NIPSNAP3B: variants seen among roughly 807,000 people sequenced by gnomAD.
NIPSNAP3B encodes the protein nipsnap homolog 3B.
In NIPSNAP3B, 30 loss-of-function variants were observed where a neutral mutation model predicts 31.5. The ratio of observed to expected loss-of-function variants is 0.95; its 90% CI spans 0.71 to 1.29. NIPSNAP3B has a LOEUF of 1.29. Among genes scored for constraint, NIPSNAP3B ranks in the 50% most tolerant of loss-of-function variants. The pLI is 0.00. For synonymous variants in NIPSNAP3B, 106 were observed against 107.9 expected, an observed-to-expected ratio of 0.98 and a Z score of 0.11; for missense variants, 269 against 300.7, an observed-to-expected ratio of 0.89 and a Z score of 0.78.
downstream of NIPSNAP3B, among the ~76,000 whole-genome samples, chr9:104,780,366 A>G (rs1411788344): frequency 6.6e-6 from 1 of 152,164 alleles, no homozygotes; most frequent in Non-Finnish European, 1.5e-5. Flanking sequence ...TACTTCCTCA[A>G]AAGGACTGTT....
At chr9:104,782,908 C>T in the NIPSNAP3B span, 1 of 150,356 alleles carries the variant, frequency 6.7e-6, no homozygotes, top group South Asian at 2.1e-4. Context: ...AACCACAAGA[C>T]AACCTATATT....
At chr9:104,780,169 A>C (rs746623344), downstream of NIPSNAP3B, among the ~76,000 whole-genome samples, 20 of 152,234 alleles carry the variant, frequency 1.3e-4, no homozygotes, top group Non-Finnish European at 2.6e-4. Flanking sequence ...TGATTTCATT[A>C]AAGTCACTAT....
In NIPSNAP3B at chr9:104,766,372, C is replaced by G; in HGVS notation, c.108C>G (p.Phe36Leu). Residue 36 changes from phenylalanine to leucine, a missense_variant, in exon 2 of 6, where the codon TTC becomes TTG. Transcript: ENST00000374762. ...ATGPRQYDGT[F>L]YEFRTYYLKP... ...GCCCTAGACAATACGATGGAACGTT[C>G]TATGAATTTCGTACTTATTACCTTA... 1 of 1,613,732 alleles carries G rather than the reference C, an allele frequency of 6.2e-7. No individual in the cohort carries two copies. Among genetic ancestry groups the G allele is most frequent in the Non-Finnish European group, 8.5e-7 (1 of 1,179,734 alleles).
At chr9:104,769,949 A>G (rs1828177854) in intron 3 of NIPSNAP3B, among the ~76,000 whole-genome samples, 1 of 152,238 alleles carries the variant, frequency 6.6e-6, no homozygotes, top group Non-Finnish European at 1.5e-5. Flanking sequence ...AATTTTAAAC[A>G]GAGGTCAGAT....
At chr9:104,788,619 G>A in the NIPSNAP3B span, 1 of 1,601,072 alleles carries the variant, frequency 6.2e-7, no homozygotes, top group Non-Finnish European at 8.5e-7. Context: ...AGATACTCTG[G>A]TTAGACAATC....
chr9:104,788,695 G>T, the NIPSNAP3B span: 1 of 1,216,698 alleles, frequency 8.2e-7, no homozygotes, highest in Non-Finnish European at 1.2e-6. Context: ...GCTGCTACTT[G>T]AAAGCACAGC....
chr9:104,785,567 G>A, the NIPSNAP3B span: 2 of 1,613,742 alleles, frequency 1.2e-6, no homozygotes, highest in African/African-American at 1.3e-5. Context: ...CAAGTCCAAA[G>A]AAATCCTGGA....
intron 4 of NIPSNAP3B, among the ~76,000 whole-genome samples, chr9:104,771,626 C>A (rs2482428): frequency 0.53 from 79,577 of 151,478 alleles, 21,937 homozygotes; most frequent in Admixed American, 0.65. Context: ...TGTTGGTGGG[C>A]ATATAGGTTT....
In NIPSNAP3B at chr9:104,775,655, A is replaced by T. The variant is rs1828320359; in HGVS notation, c.*2582A>T. 6.6e-6 allele frequency among the ~76,000 whole-genome samples: 1 copy of T among 152,136 alleles called. No individual in the cohort carries two copies. Among genetic ancestry groups the T allele is most frequent in the South Asian group, 2.1e-4 (1 of 4,824 alleles). On this transcript the variant is annotated 3_prime_UTR_variant, in exon 6 of 6. Transcript: ENST00000374762. ...ACATGTGAATTTGAATTCCAGGCTC[A>T]TCACATCCAGGTGTGTTCCCCACAC... is the stretch of plus-strand genomic sequence containing the variant.
At chr9:104,765,545 A>T (rs1828070942) in intron 1 of NIPSNAP3B, among the ~76,000 whole-genome samples, 2 of 152,246 alleles carry the variant, frequency 1.3e-5, no homozygotes, top group South Asian at 4.1e-4. Flanking sequence ...TGGGCATATG[A>T]CTATTACAAA....
intron 4 of NIPSNAP3B, 145 bp from the exon 5 acceptor site, chr9:104,772,677 C>T (rs2118800437): frequency 1.0e-6 from 1 of 995,514 alleles, no homozygotes; most frequent in South Asian, 1.5e-5. Flanking sequence ...TTTCTGATCC[C>T]TCTGAAATCT....
chr9:104,770,033 A>G (rs1828180009), intron 3 of NIPSNAP3B, among the ~76,000 whole-genome samples: 1 of 152,204 alleles, frequency 6.6e-6, no homozygotes, highest in Admixed American at 6.5e-5. Context: ...ATTTTAGATT[A>G]TAAGAGATTT....
the NIPSNAP3B span, among the ~76,000 whole-genome samples, chr9:104,785,865 C>A: frequency 2.0e-5 from 3 of 152,186 alleles, no homozygotes; most frequent in Non-Finnish European, 4.4e-5. Context: ...CTCACCTGGA[C>A]CCATGAAGTC....
downstream of NIPSNAP3B, chr9:104,782,452 G>A (rs1369610522): frequency 6.6e-6 from 1 of 152,082 alleles, no homozygotes; most frequent in Non-Finnish European, 1.5e-5. Context: ...TAATGATATT[G>A]AAAGATCACT....
chr9:104,770,113 A>G (rs2487715), intron 3 of NIPSNAP3B, among the ~76,000 whole-genome samples: 104,061 of 152,092 alleles, frequency 0.68, 36,661 homozygotes, highest in African/African-American at 0.84. Context: ...AAAACAGTTG[A>G]CTTCTCAGTG....
chr9:104,775,334 T>A lies in NIPSNAP3B; in HGVS notation c.*2261T>A, dbSNP rs143002220. Among the ~76,000 whole-genome samples the A allele has an allele frequency of 5.9e-4, 90 of 152,240 alleles. 1 individual carries two copies. The highest frequency in any genetic ancestry group is 4.2e-3 in the South Asian group (20 of 4,816). ...CTGATCACGCCAGCCAAATTGCTCT[T>A]GTCAACTCATTTCCCAGTTCTCATT... On this transcript the variant is annotated 3_prime_UTR_variant, in exon 6 of 6. Transcript: ENST00000374762.
rs527856523 is a variant in NIPSNAP3B at position 104,772,215 on chromosome 9, T to G, written c.581-607T>G. 9.9e-5 allele frequency among the ~76,000 whole-genome samples: 15 copies of G among 151,936 alleles called. No homozygotes were observed. The East Asian group carries it at 2.1e-3, about 21-fold the overall frequency. Reference sequence around the variant, plus strand: ...GTTGACAGTTTTTTTTTTGTTTTTTTTTTTGCTGTGCAGAAGCTCTTAAGT... The same window carrying G: ...GTTGACAGTTTTTTTTTTGTTTTTTGTTTTGCTGTGCAGAAGCTCTTAAGT... On this transcript the variant is annotated intron_variant, in intron 4 of 5. Coordinates refer to ENST00000374762, the MANE Select transcript of NIPSNAP3B (RefSeq NM_018376.4).
At position 104,764,225 on chromosome 9, in the gene NIPSNAP3B, G is replaced by C; in HGVS notation, c.-16G>C. On this transcript the variant is annotated 5_prime_UTR_variant, in exon 1 of 6. Transcript: ENST00000374762. Reference sequence around the variant, plus strand: ...AGGACTCGGCTGGCTGCTTTTCTCAGTGCCGAAGCCGCGCCATGCTCGTTC... The same window carrying C: ...AGGACTCGGCTGGCTGCTTTTCTCACTGCCGAAGCCGCGCCATGCTCGTTC... 6.3e-7 allele frequency: 1 copy of C among 1,599,564 alleles called. No individual in the cohort carries two copies. The highest frequency in any genetic ancestry group is 8.5e-7 in the Non-Finnish European group (1 of 1,174,958).
At position 104,768,966 on chromosome 9, in the gene NIPSNAP3B, G is replaced by A. The variant is rs774993835; in HGVS notation, c.375G>A (p.Glu125=). Reference sequence around the variant, plus strand: ...ATTTGGCTCGCATTGATAAACAAGAGACGGAAATTACTTACCTGATACCAT... The same window carrying A: ...ATTTGGCTCGCATTGATAAACAAGAAACGGAAATTACTTACCTGATACCAT... The part of the protein sequence containing the change: ...IPNLARIDKQ[E]TEITYLIPWS... The change falls in exon 3 of 6, where the codon GAG becomes GAA. Residue 125 remains glutamate, a synonymous_variant. Coordinates refer to ENST00000374762, the MANE Select transcript of NIPSNAP3B (RefSeq NM_018376.4). The A allele has an allele frequency of 6.2e-7, 1 of 1,613,940 alleles. No homozygotes were observed. The highest frequency in any genetic ancestry group is 1.3e-5 in the African/African-American group (1 of 75,032).
Sources: allele counts gnomAD v4.1 joint callset (sites outside exome capture counted in the v4.1 genomes callset), GRCh38; gene constraint gnomAD v4.1.1; transcripts MANE v1.5; gene names NCBI Gene and HGNC (gene_info 2026-07-23, HGNC 2026-07-21).